The following CSN1S1 variants were observed in gnomAD, a reference collection of about 807,000 sequenced individuals.
CSN1S1 encodes the protein casein alpha s1, also known as alpha-S1-casein.
Under a neutral mutation model 49.1 loss-of-function variants are expected in CSN1S1, and 63 were observed. That is an observed-to-expected ratio of 1.28 (90% confidence interval 1.05 to 1.58). The LOEUF (loss-of-function observed/expected upper bound fraction) is 1.58, where lower values mean the gene tolerates loss of function less well. Ranked by LOEUF, CSN1S1 falls within the 40% of genes most tolerant of loss-of-function variation. The probability of loss-of-function intolerance (pLI) is 0.00; values close to 1 mark genes in which losing one functional copy is unlikely to be tolerated. For synonymous variants in CSN1S1, 78 were observed against 67.1 expected (o/e 1.16, Z -0.79); for missense variants, 260 against 224.7 (o/e 1.16, Z -1.01).
chr4:69,935,475 G>A (rs1376430982), intron 4 of CSN1S1, among the ~76,000 whole-genome samples: 1 of 151,978 alleles, frequency 6.6e-6, no homozygotes, highest in Non-Finnish European at 1.5e-5. Context: ...ACTTGAGCAT[G>A]GGCGGTTAAA....
At chr4:69,937,936 A>G (rs1226330773) in intron 9 of CSN1S1, 113 bp downstream of exon 9, 11 of 631,262 alleles carry the variant, frequency 1.7e-5, no homozygotes, top group African/African-American at 5.8e-5. Flanking sequence ...AAGAAACTGA[A>G]TTTTAAAATG....
At position 69,944,855 on chromosome 4, in the gene CSN1S1, C is replaced by T. The variant is rs778712361; in HGVS notation, c.408C>T (p.Phe136=). 20 of 1,612,444 alleles carry T rather than the reference C, an allele frequency of 1.2e-5. No individual in the cohort carries two copies. Among genetic ancestry groups the T allele is most frequent in the Non-Finnish European group, 8.5e-7 (1 of 1,178,998 alleles). The change falls in exon 15 of 16, where the codon TTC becomes TTT. Residue 136 remains phenylalanine, a synonymous_variant. Transcript: ENST00000246891. ...MNENSHVQVP[F]QQLNQLAAYP... is the part of the protein sequence containing the mutation. ...TCAAATGTTTTTCCCTCTAGCCTTT[C>T]CAGCAGCTCAACCAACTTGCTGCCT...
At chr4:69,939,634 C>T (rs1722910713) in intron 10 of CSN1S1, among the ~76,000 whole-genome samples, 1 of 151,654 alleles carries the variant, frequency 6.6e-6, no homozygotes, top group South Asian at 2.1e-4. Context: ...CCACTCTTTG[C>T]CCTGTGTTAA....
chr4:69,942,669 T>C (rs1253843428), intron 14 of CSN1S1, 92 bp downstream of exon 14: 8 of 992,168 alleles, frequency 8.1e-6, no homozygotes, highest in Non-Finnish European at 1.2e-5. Context: ...TTGAAGAGAT[T>C]TTTTTCTTCT....
At chr4:69,933,170 T>C (rs1220853) in intron 2 of CSN1S1, among the ~76,000 whole-genome samples, 82,548 of 151,702 alleles carry the variant, frequency 0.54, 23,200 homozygotes, top group East Asian at 0.72. Flanking sequence ...ACAATGAAAC[T>C]AGATAATGTG....
chr4:69,942,200 A>G lies in CSN1S1; in HGVS notation c.360+137A>G, dbSNP rs1722991524. ...ACACTATCTGATAATATTTTACTTAAAAGTCACAAAAGACAAAATTTAAAT... is the reference window on the plus strand; with the variant it reads ...ACACTATCTGATAATATTTTACTTAGAAGTCACAAAAGACAAAATTTAAAT... On this transcript the variant is annotated intron_variant, in intron 13 of 15. Transcript: ENST00000246891. 1.6e-5 allele frequency: 9 copies of G among 577,936 alleles called. 1 individual carries two copies. The highest frequency in any genetic ancestry group is 1.3e-4 in the African/African-American group (7 of 53,300). 35.8% of individuals were successfully genotyped at this position (577,936 alleles called of 1,614,324 possible).
At chr4:69,942,352 C>A in intron 13 of CSN1S1, 184 bp from the exon 14 acceptor site, 2 of 625,114 alleles carry the variant, frequency 3.2e-6, no homozygotes, top group Non-Finnish European at 5.6e-6. Context: ...TAGCCTTTAG[C>A]TAAAATTTTT....
chr4:69,932,975 A>G (rs1414836958), intron 2 of CSN1S1, among the ~76,000 whole-genome samples: 1 of 151,986 alleles, frequency 6.6e-6, no homozygotes, highest in Non-Finnish European at 1.5e-5. Context: ...TAAAAATGTA[A>G]TAGTTGTCCA....
In CSN1S1 at chr4:69,935,907, A is replaced by G. The variant is rs941624420; in HGVS notation, c.106-19A>G. The G allele has an allele frequency of 2.0e-6, 3 of 1,484,276 alleles. No homozygotes were observed. The highest frequency in any genetic ancestry group is 2.5e-5 in the South Asian group (2 of 80,430). The allele number at this position is 1,484,276 out of a possible 1,614,324, so 91.9% of individuals were successfully genotyped here. ...AACTCAACTATGAATGAATTTTAAC[A>G]TAACTTTTTTTTTTGTAGCCTATAC... On this transcript the variant is annotated intron_variant, in intron 4 of 15. Coordinates refer to ENST00000246891, the MANE Select transcript of CSN1S1 (RefSeq NM_001890.2).
chr4:69,939,294 G>T (rs1028722853), intron 10 of CSN1S1, 86 bp downstream of exon 10: 3 of 961,304 alleles, frequency 3.1e-6, no homozygotes, highest in African/African-American at 1.6e-5. Context: ...TATCCCTTAA[G>T]GTCTCATTGT....
chr4:69,939,265 T>C (rs1722900609), intron 10 of CSN1S1, 57 bp downstream of exon 10: 5 of 1,305,166 alleles, frequency 3.8e-6, no homozygotes, highest in African/African-American at 1.5e-5. Context: ...TTATGAAAAC[T>C]TGTACCGTGA....
intron 6 of CSN1S1, 37 bp from the exon 7 acceptor site, chr4:69,936,529 A>G (rs749256274): frequency 1.7e-5 from 27 of 1,602,674 alleles, no homozygotes; most frequent in Non-Finnish European, 2.6e-6. Flanking sequence ...TGTTTTCATG[A>G]AAACATATTT....
chr4:69,939,997 A>T, intron 10 of CSN1S1, 24 bp from the exon 11 acceptor site: 1 of 1,342,264 alleles, frequency 7.5e-7, no homozygotes, highest in Non-Finnish European at 1.0e-6. Context: ...AATTAAAACT[A>T]TGCATGTTTT....
At chr4:69,938,143 G>T (rs549382128) in intron 9 of CSN1S1, among the ~76,000 whole-genome samples, 1 of 151,804 alleles carries the variant, frequency 6.6e-6, no homozygotes, top group Non-Finnish European at 1.5e-5. Context: ...AAAGGTGCAT[G>T]GATGTTTAAA....
chr4:69,932,688 G>A, intron 2 of CSN1S1, 82 bp downstream of exon 2: 2 of 1,252,786 alleles, frequency 1.6e-6, no homozygotes, highest in Non-Finnish European at 2.3e-6. Flanking sequence ...GATACCCAGA[G>A]AAATAATCTT....
chr4:69,943,585 G>A (rs1723053536), intron 14 of CSN1S1, among the ~76,000 whole-genome samples: 1 of 151,996 alleles, frequency 6.6e-6, no homozygotes, highest in Non-Finnish European at 1.5e-5. Context: ...TCAGTTGGAT[G>A]TAAATTACTA....
At chr4:69,932,417 T>C (rs775153478) in intron 1 of CSN1S1, 127 bp from the exon 2 acceptor site, 17 of 691,196 alleles carry the variant, frequency 2.5e-5, no homozygotes, top group Non-Finnish European at 3.7e-5. Context: ...AAAATTCACA[T>C]TACAGCTCCT....
At position 69,934,549 on chromosome 4, in the gene CSN1S1, A is replaced by G. The variant is rs184765516; in HGVS notation, c.85-141A>G. ...TTTTCAATGTTACACATATTCAAGC[A>G]TGTGATTTACAGTTTGGTCTCATTT... On this transcript the variant is annotated intron_variant, in intron 3 of 15. Coordinates refer to ENST00000246891, the MANE Select transcript of CSN1S1 (RefSeq NM_001890.2). 26 of 732,506 alleles carry G rather than the reference A, an allele frequency of 3.5e-5. No homozygotes were observed. In the East Asian group the frequency reaches 5.5e-4, roughly 15 times the overall value. 45.4% of individuals were successfully genotyped at this position (732,506 alleles called of 1,614,324 possible). A position where few individuals can be genotyped will look rare whatever the true frequency, so the allele number is the denominator to read the frequency against.
At position 69,940,787 on chromosome 4, in the gene CSN1S1, A is replaced by G. The variant is rs143567040; in HGVS notation, c.301-232A>G. Among the ~76,000 whole-genome samples, 28 of 152,016 alleles carry G rather than the reference A, an allele frequency of 1.8e-4. No individual in the cohort carries two copies. In the East Asian group the frequency reaches 5.4e-3, roughly 29 times the overall value. ...ACTAAAATTGGCTGTACTAATTTAT[A>G]TCAGACAGAATTATAATTTAAATTC... On this transcript the variant is annotated intron_variant, in intron 11 of 15. Transcript: ENST00000246891.
Sources: gnomAD v4.1 joint callset for allele counts (sites outside exome capture counted in the v4.1 genomes callset) on GRCh38, gnomAD v4.1.1 for gene constraint, MANE v1.5 for transcripts, NCBI Gene and HGNC (gene_info 2026-07-23, HGNC 2026-07-21) for gene names.